The following MEGF9 variants were observed in gnomAD, a reference collection of about 807,000 sequenced individuals.
MEGF9 encodes the protein multiple epidermal growth factor-like domains protein 9.
Under a neutral mutation model 46.8 loss-of-function variants are expected in MEGF9, and 6 were observed. The ratio of observed to expected loss-of-function variants is 0.13; its 90% CI spans 0.07 to 0.25. MEGF9 has a LOEUF of 0.25. MEGF9 is among the 10% of genes least tolerant of loss of function. The pLI is 1.00. For missense variants in MEGF9, 683 were observed against 792.4 expected (o/e 0.86, Z 1.66); for synonymous variants, 302 against 330.7 (o/e 0.91, Z 0.94).
intron 2 of MEGF9, among the ~76,000 whole-genome samples, chr9:120,640,542 G>A (rs1204469892): frequency 6.6e-6 from 1 of 151,766 alleles, no homozygotes; most frequent in Non-Finnish European, 1.5e-5. Flanking sequence ...CACAGTGCCT[G>A]GCATGTGATA....
intron 4 of MEGF9, among the ~76,000 whole-genome samples, chr9:120,609,501 A>G (rs1257278695): frequency 2.6e-5 from 4 of 152,124 alleles, no homozygotes; most frequent in African/African-American, 7.2e-5. Flanking sequence ...GAGCTATTTG[A>G]CATTTTTCTG....
intron 1 of MEGF9, among the ~76,000 whole-genome samples, chr9:120,685,551 TC>T (rs2043818150): frequency 6.6e-6 from 1 of 152,248 alleles, no homozygotes; most frequent in South Asian, 2.1e-4. Flanking sequence ...GCCAATTCTT[TC>T]TACTTCACTT....
At chr9:120,631,911 A>ACCTTCT (rs752418750) in intron 2 of MEGF9, among the ~76,000 whole-genome samples, 1 of 150,780 alleles carries the variant, frequency 6.6e-6, no homozygotes, top group Non-Finnish European at 1.5e-5. Context: ...CTCCTTCCTC[A>ACCTTCT]CCTTCTCCTT....
chr9:120,650,808 T>C (rs2043646154), intron 2 of MEGF9, among the ~76,000 whole-genome samples: 1 of 152,030 alleles, frequency 6.6e-6, no homozygotes, highest in Non-Finnish European at 1.5e-5. Flanking sequence ...GGAAATTCAC[T>C]GGAATTTTCA....
At chr9:120,660,660 A>G (rs968958880) in intron 1 of MEGF9, among the ~76,000 whole-genome samples, 2 of 152,212 alleles carry the variant, frequency 1.3e-5, no homozygotes, top group Non-Finnish European at 2.9e-5. Context: ...GCAAAGACTC[A>G]TTTAAAGGTC....
intron 2 of MEGF9, among the ~76,000 whole-genome samples, chr9:120,652,167 CACACACACACACACAAAAA>C (rs1460547488): frequency 2.4e-5 from 1 of 42,118 alleles, no homozygotes; most frequent in African/African-American, 8.0e-5. Context: ...CACACACACA[CACACACACACACACAAAAA>C]AAAAAAAAAA....
intron 2 of MEGF9, among the ~76,000 whole-genome samples, chr9:120,645,346 T>A (rs1445440429): frequency 6.6e-6 from 1 of 152,126 alleles, no homozygotes; most frequent in African/African-American, 2.4e-5. Flanking sequence ...GAATGTGGCA[T>A]TAAGGGATTG....
At chr9:120,647,731 GCTTACTTT>G (rs2043632062) in intron 2 of MEGF9, among the ~76,000 whole-genome samples, 1 of 152,170 alleles carries the variant, frequency 6.6e-6, no homozygotes, top group South Asian at 2.1e-4. Context: ...ATATACAAAT[GCTTACTTT>G]CAAGTGTCTG....
intron 2 of MEGF9, among the ~76,000 whole-genome samples, chr9:120,628,046 T>A (rs984516979): frequency 1.3e-5 from 2 of 152,162 alleles, no homozygotes. Context: ...AATACCAAAC[T>A]GCTGATTATA....
intron 1 of MEGF9, among the ~76,000 whole-genome samples, chr9:120,695,029 A>G (rs2043868289): frequency 1.3e-5 from 2 of 151,042 alleles, no homozygotes; most frequent in Non-Finnish European, 1.5e-5. Context: ...CTGGCCATAT[A>G]GTGGTTTAAA....
chr9:120,607,810 T>C lies in MEGF9; in HGVS notation c.1288A>G (p.Thr430Ala), dbSNP rs1368087722. ...AGGCAGTTCTCACACCAAAACCCAG[T>C]GGTGTTATGGAGGCAGTTGATGCAC... Reference protein sequence around the residue: ...GECINCLHNTTGFWCENCLEG... With the variant: ...GECINCLHNTAGFWCENCLEG... Residue 430 changes from threonine (T) to alanine (A), a missense_variant, in exon 5 of 6, where the codon ACT becomes GCT. By Grantham distance (58) the Thr-to-Ala change is moderately conservative. This residue lies in a region of MEGF9 where 313 missense variants were observed against 421.1 expected (regional missense o/e 0.74). Coordinates refer to ENST00000373930, the MANE Select transcript of MEGF9 (RefSeq NM_001080497.3). The C allele has an allele frequency of 6.2e-7, 1 of 1,613,906 alleles. No homozygotes were observed. The highest frequency in any genetic ancestry group is 8.5e-7 in the Non-Finnish European group (1 of 1,179,884).
At chr9:120,684,408 A>G (rs1019920019) in intron 1 of MEGF9, among the ~76,000 whole-genome samples, 1 of 152,198 alleles carries the variant, frequency 6.6e-6, no homozygotes. Context: ...AGTCATTCCA[A>G]AGGACATTTT....
In MEGF9 at chr9:120,605,475, T is replaced by A; in HGVS notation, c.1524A>T (p.Val508=). 6.2e-7 allele frequency: 1 copy of A among 1,614,056 alleles called. No individual in the cohort carries two copies. Among genetic ancestry groups the A allele is most frequent in the Non-Finnish European group, 8.5e-7 (1 of 1,179,888 alleles). The part of the protein sequence containing the change: ...SENSTSALAD[V]SWTQFNIIIL... ...TGATGATGTTAAATTGGGTCCATGA[T>A]ACATCAGCTAAAGCTGAAGTGCTGT... The change falls in exon 6 of 6, where the codon GTA becomes GTT. Residue 508 remains valine (V), a synonymous_variant. Coordinates refer to ENST00000373930, the MANE Select transcript of MEGF9 (RefSeq NM_001080497.3). The surrounding 1 kb of genome is among the most constrained non-coding windows in gnomAD (Gnocchi z 4.0).
At chr9:120,701,021 AGGTGAGT>A (rs2043902326) in intron 1 of MEGF9, among the ~76,000 whole-genome samples, 1 of 151,702 alleles carries the variant, frequency 6.6e-6, no homozygotes, top group Non-Finnish European at 1.5e-5. Flanking sequence ...TGGGAGGCTG[AGGTGAGT>A]GGATCATTTG....
intron 1 of MEGF9, among the ~76,000 whole-genome samples, chr9:120,674,757 C>T (rs2043765201): frequency 6.6e-6 from 1 of 152,008 alleles, no homozygotes; most frequent in South Asian, 2.1e-4. Context: ...TGTGCAGAGA[C>T]AGGGGTCTTG....
intron 3 of MEGF9, among the ~76,000 whole-genome samples, chr9:120,613,358 G>A (rs186874613): frequency 6.6e-6 from 1 of 151,394 alleles, no homozygotes; most frequent in South Asian, 2.1e-4. Context: ...GTGGAGGGAG[G>A]GGGGTAAAAC....
At chr9:120,699,041 T>C (rs1469274438) in intron 1 of MEGF9, among the ~76,000 whole-genome samples, 1 of 152,182 alleles carries the variant, frequency 6.6e-6, no homozygotes, top group Non-Finnish European at 1.5e-5. Flanking sequence ...TTGTGCTGGA[T>C]CAGACACAAG....
At chr9:120,639,401 G>A (rs1291708174) in intron 2 of MEGF9, among the ~76,000 whole-genome samples, 3 of 151,534 alleles carry the variant, frequency 2.0e-5, no homozygotes, top group Admixed American at 6.6e-5. Flanking sequence ...CCCAGTACTC[G>A]GGAGGCTGAG....
intron 2 of MEGF9, among the ~76,000 whole-genome samples, chr9:120,629,601 ACTGCACTCCAG>A (rs2043541723): frequency 6.6e-6 from 1 of 151,870 alleles, no homozygotes; most frequent in African/African-American, 2.4e-5. Flanking sequence ...AGATTGTGCC[ACTGCACTCCAG>A]CCTGGGTGAC....
Sources: gnomAD v4.1 joint callset for allele counts (sites outside exome capture counted in the v4.1 genomes callset) on GRCh38, gnomAD v4.1.1 for gene constraint, gnomAD v4.1.1 regional missense constraint, Gnocchi (gnomAD v3.1) non-coding constraint, MANE v1.5 for transcripts, NCBI Gene and HGNC (gene_info 2026-07-23, HGNC 2026-07-21) for gene names.